SYTL4: variants seen among roughly 807,000 people sequenced by gnomAD.
SYTL4 encodes the protein synaptotagmin like 4, also known as synaptotagmin-like protein 4.
In SYTL4, 16 loss-of-function variants were observed where a neutral mutation model predicts 52.7. The observed-to-expected ratio is 0.30, with a 90% CI of 0.21 to 0.46. The LOEUF (loss-of-function observed/expected upper bound fraction) is 0.46. Ranked by LOEUF, SYTL4 falls within the 20% of genes least tolerant of loss-of-function variation. The pLI, the probability that SYTL4 is intolerant of heterozygous loss-of-function variation, is 1.00. For synonymous variants in SYTL4, 160 were observed against 186.6 expected (o/e 0.86, Z 1.16); for missense variants, 423 against 519.9 (o/e 0.81, Z 1.81).
chrX:100,720,160 T>C (rs1428353850), intron 2 of SYTL4, among the ~76,000 whole-genome samples: 1 of 112,026 alleles, frequency 8.9e-6, no homozygotes, highest in Non-Finnish European at 1.9e-5. Flanking sequence ...CCATTTAGCT[T>C]TCCAGCTTTC....
chrX:100,731,255 C>T (rs1403079209), intron 2 of SYTL4, among the ~76,000 whole-genome samples, 163 bp downstream of exon 2: 1 of 111,662 alleles, frequency 9.0e-6, no homozygotes, highest in East Asian at 2.8e-4. Flanking sequence ...TTCTGTGCCC[C>T]TTCTGAGATC....
At chrX:100,723,894 C>G (rs2084415693) in intron 2 of SYTL4, among the ~76,000 whole-genome samples, 1 of 105,561 alleles carries the variant, frequency 9.5e-6, no homozygotes, top group Non-Finnish European at 1.9e-5. Context: ...CCCGCCAGGC[C>G]AGCCACCCTG....
chrX:100,717,001 C>A (rs1406503551), intron 2 of SYTL4, among the ~76,000 whole-genome samples: 1 of 111,529 alleles, frequency 9.0e-6, no homozygotes, highest in Non-Finnish European at 1.9e-5. Flanking sequence ...TACCTGGCCC[C>A]AAAGATTTTT....
intron 2 of SYTL4, among the ~76,000 whole-genome samples, chrX:100,715,945 CAAAAAAA>C (rs769194042): frequency 1.9e-4 from 10 of 53,577 alleles, no homozygotes; most frequent in African/African-American, 5.7e-4. Context: ...CTCTCTCTCT[CAAAAAAA>C]AAAAAAAAAA....
At chrX:100,676,923 T>G (rs889048128) in intron 19 of SYTL4, among the ~76,000 whole-genome samples, 1 of 112,152 alleles carries the variant, frequency 8.9e-6, no homozygotes, top group African/African-American at 3.2e-5. Context: ...GTGCCTACTG[T>G]GTGCCAGGTA....
chrX:100,723,151 G>A (rs2084375673), intron 2 of SYTL4, among the ~76,000 whole-genome samples: 1 of 112,262 alleles, frequency 8.9e-6, no homozygotes, highest in African/African-American at 3.2e-5. Context: ...AAGAAGGTAC[G>A]GTCTCCCTCT....
intron 8 of SYTL4, among the ~76,000 whole-genome samples, chrX:100,699,932 A>G (rs2083812784): frequency 9.0e-6 from 1 of 111,442 alleles, no homozygotes; most frequent in African/African-American, 3.3e-5. Context: ...ATGCTATAAC[A>G]TGGATGAACC....
rs762328563 is a variant in SYTL4, at chrX:100,681,278, A to G, written c.1507T>C (p.Leu503=). 2.5e-5 allele frequency: 30 copies of G among 1,209,335 alleles called. No individual in the cohort carries two copies. In the South Asian group the frequency reaches 5.1e-4, roughly 21 times the overall value. Residue 503 remains leucine (L), a synonymous_variant, in exon 17 of 20, where the codon TTG becomes CTG. Transcript: ENST00000372989. ...PSHKGELVVS[L]KYIPASKTPV... Reference sequence around the variant, plus strand: ...GTTTTGGAGGCTGGGATGTATTTCAATGAAACCACCAACTCGCCTTTGTGT... The same window carrying G: ...GTTTTGGAGGCTGGGATGTATTTCAGTGAAACCACCAACTCGCCTTTGTGT...
At chrX:100,714,614 C>T (rs1347526853) in intron 2 of SYTL4, among the ~76,000 whole-genome samples, 6 of 111,775 alleles carry the variant, frequency 5.4e-5, no homozygotes, top group Non-Finnish European at 1.9e-5. Flanking sequence ...ATTTCCCTTA[C>T]TACACAGTTT....
intron 16 of SYTL4, among the ~76,000 whole-genome samples, chrX:100,682,440 G>A (rs1414402942): frequency 9.0e-6 from 1 of 110,762 alleles, no homozygotes; most frequent in Non-Finnish European, 1.9e-5. Flanking sequence ...CAGGTGCAGT[G>A]GCTCACATTT....
At chrX:100,682,849 G>A (rs917648902) in intron 16 of SYTL4, among the ~76,000 whole-genome samples, 1 of 111,816 alleles carries the variant, frequency 8.9e-6, no homozygotes, top group African/African-American at 3.3e-5. Flanking sequence ...CACTGCAGCC[G>A]AAGTGCCAAG....
At chrX:100,704,508 A>T (rs1388324089) in intron 3 of SYTL4, among the ~76,000 whole-genome samples, 3 of 112,557 alleles carry the variant, frequency 2.7e-5, no homozygotes, top group Non-Finnish European at 5.6e-5. Flanking sequence ...AAGAAGGTGA[A>T]GTCAAAGATG....
intron 13 of SYTL4, chrX:100,687,648 TGG>T (rs2083500116): frequency 7.7e-6 from 1 of 129,127 alleles, no homozygotes; most frequent in Non-Finnish European, 1.5e-5. Flanking sequence ...TAATTATCTG[TGG>T]GTTTCTCTTA....
intron 2 of SYTL4, among the ~76,000 whole-genome samples, chrX:100,705,466 A>G (rs1168890030): frequency 6.3e-5 from 7 of 111,959 alleles, no homozygotes; most frequent in Non-Finnish European, 1.1e-4. Context: ...ACTATAAAGT[A>G]CTAAACAGAC....
At chrX:100,702,278 G>C (rs959168816) in intron 4 of SYTL4, among the ~76,000 whole-genome samples, 171 bp from the exon 5 acceptor site, 17 of 111,888 alleles carry the variant, frequency 1.5e-4, no homozygotes, top group Non-Finnish European at 3.0e-4. Flanking sequence ...CCCTGAAAAT[G>C]AAGAGTCCTT....
chrX:100,724,429 G>C (rs1456561104), intron 2 of SYTL4, among the ~76,000 whole-genome samples: 21 of 102,905 alleles, frequency 2.0e-4, no homozygotes, highest in Non-Finnish European at 3.8e-4. Context: ...GGAATAGAAA[G>C]GGGGGAAAGG....
Position 100,687,122 on chromosome X carries a change from C to A in SYTL4, c.1129G>T (p.Val377Leu). 4 of 1,211,717 alleles carry A rather than the reference C, an allele frequency of 3.3e-6. No homozygotes were observed. Among genetic ancestry groups the A allele is most frequent in the Non-Finnish European group, 4.5e-6 (4 of 895,491 alleles). The change falls in exon 14 of 20, where the codon GTG becomes TTG. Residue 377 changes from valine to leucine, a missense_variant. By Grantham distance (32) the Val-to-Leu change is conservative. Coordinates refer to ENST00000372989, the MANE Select transcript of SYTL4 (RefSeq NM_001370165.1). ...TAGGCCAGCTGATGGCACTCCTTCACATGGACAACCAGACTCTGGGTTTGC... is the reference window on the plus strand; with the variant it reads ...TAGGCCAGCTGATGGCACTCCTTCAAATGGACAACCAGACTCTGGGTTTGC... Reference protein sequence around the residue: ...EQQTQSLVVHVKECHQLAYAD... With the variant: ...EQQTQSLVVHLKECHQLAYAD...
intron 2 of SYTL4, among the ~76,000 whole-genome samples, chrX:100,708,964 A>G (rs1345505438): frequency 1.8e-5 from 2 of 111,916 alleles, no homozygotes; most frequent in Non-Finnish European, 3.8e-5. Context: ...AGAAACATCT[A>G]CCAGACGTAA....
rs1345766115 is a variant in SYTL4 at position 100,689,973 on chromosome X, CA to C, written c.809-15del. The C allele has an allele frequency of 8.6e-7, 1 of 1,164,248 alleles. No individual in the cohort carries two copies. The highest frequency in any genetic ancestry group is 2.2e-5 in the Admixed American group (1 of 44,846). On this transcript the variant is annotated splice_polypyrimidine_tract_variant and intron_variant, in intron 11 of 19. Transcript: ENST00000372989. ...ATTTAGTGTACTCTGAGGGGAAGAC[CA>C]AAAAAGCCAAATCAAAGAGACCTAT...
Sources: gnomAD v4.1 joint callset for allele counts (sites outside exome capture counted in the v4.1 genomes callset) on GRCh38, gnomAD v4.1.1 for gene constraint, MANE v1.5 for transcripts, NCBI Gene and HGNC (gene_info 2026-07-23, HGNC 2026-07-21) for gene names.